Variants in BEND7 observed in about 807,000 individuals in gnomAD.
BEND7 encodes BEN domain containing 7, also known as BEN domain-containing protein 7.
Under a neutral mutation model 50.9 loss-of-function variants are expected in BEND7, and 28 were observed. The ratio of observed to expected loss-of-function variants is 0.55; its 90% CI spans 0.41 to 0.75. BEND7 has a LOEUF of 0.75. Ranked by LOEUF, BEND7 falls within the 30% of genes least tolerant of loss-of-function variation. BEND7 has a pLI of 0.00. For synonymous variants in BEND7, 170 were observed against 183.9 expected (o/e 0.92, Z 0.61); for missense variants, 477 against 491.3 (o/e 0.97, Z 0.28).
At chr10:13,487,775 A>G (rs1224709169) in intron 5 of BEND7, among the ~76,000 whole-genome samples, 1 of 151,944 alleles carries the variant, frequency 6.6e-6, no homozygotes, top group Non-Finnish European at 1.5e-5. Context: ...CACTTTATCT[A>G]TTGGGCTAAG....
downstream of BEND7, among the ~76,000 whole-genome samples, chr10:13,439,781 C>T (rs1470111706): frequency 6.6e-6 from 1 of 152,210 alleles, no homozygotes; most frequent in Non-Finnish European, 1.5e-5. Flanking sequence ...CTGCTTCAGC[C>T]AGGCGGATCG....
chr10:13,456,307 G>A (rs934859717), intron 6 of BEND7, among the ~76,000 whole-genome samples: 1 of 152,188 alleles, frequency 6.6e-6, no homozygotes, highest in African/African-American at 2.4e-5. Flanking sequence ...GAGCAACCGC[G>A]TGTGAGGATG....
chr10:13,500,734 A>G, intron 2 of BEND7: 1 of 985,592 alleles, frequency 1.0e-6, no homozygotes, highest in Non-Finnish European at 1.2e-6. Context: ...CAGCATGGCA[A>G]GCGAGGGGGT....
At chr10:13,460,858 T>C (rs1158856718) in intron 6 of BEND7, among the ~76,000 whole-genome samples, 1 of 152,180 alleles carries the variant, frequency 6.6e-6, no homozygotes, top group Non-Finnish European at 1.5e-5. Context: ...AAAAATAAAA[T>C]GCATTAATTC....
In BEND7 at chr10:13,529,003, G is replaced by A. The variant is rs1385017016; in HGVS notation, c.-470C>T. 3 of 145,790 alleles carry A rather than the reference G, an allele frequency of 2.1e-5. No homozygotes were observed. The highest frequency in any genetic ancestry group is 7.4e-5 in the African/African-American group (3 of 40,470). The allele number at this position is 145,790 out of a possible 1,614,324, so 9.0% of individuals were successfully genotyped here. A position where few individuals can be genotyped will look rare whatever the true frequency, so the allele number is the denominator to read the frequency against. On this transcript the variant is annotated 5_prime_UTR_variant, in exon 1 of 9. Coordinates refer to ENST00000466271, the MANE Select transcript of BEND7 (RefSeq NM_001369863.1). ...GAAGACGCGGCGGGCGGGCTGCGGGGAGGGCGGCGGCGGGTGCAGAGCCGG... is the reference window on the plus strand; with the variant it reads ...GAAGACGCGGCGGGCGGGCTGCGGGAAGGGCGGCGGCGGGTGCAGAGCCGG...
rs145969876 is a variant in BEND7 at position 13,497,134 on chromosome 10, C to T, written c.449-246G>A. Among the ~76,000 whole-genome samples, 1,199 of 152,316 alleles carry T rather than the reference C, an allele frequency of 7.9e-3. 14 individuals are homozygous for T. The highest frequency in any genetic ancestry group is 0.015 in the Admixed American group (230 of 15,304). On this transcript the variant is annotated intron_variant, in intron 3 of 8. Coordinates refer to ENST00000466271, the MANE Select transcript of BEND7 (RefSeq NM_001369863.1). ...CGTGCTGTGGCGCGGTGCGGGAGCC[C>T]GCATGCACACACACACACAATGAGT...
intron 2 of BEND7, among the ~76,000 whole-genome samples, chr10:13,512,520 T>C (rs924346294): frequency 2.6e-5 from 4 of 152,220 alleles, no homozygotes; most frequent in Admixed American, 2.6e-4. Context: ...CACAATTTAC[T>C]ATTTGCAAAG....
chr10:13,451,735 T>C (rs2131025588), intron 7 of BEND7, among the ~76,000 whole-genome samples: 1 of 149,084 alleles, frequency 6.7e-6, no homozygotes, highest in Non-Finnish European at 1.5e-5. Context: ...ACATTAGTTA[T>C]ATCCCCTAAT....
chr10:13,440,123 C>G (rs1453664515), downstream of BEND7, among the ~76,000 whole-genome samples: 1 of 152,144 alleles, frequency 6.6e-6, no homozygotes, highest in Non-Finnish European at 1.5e-5. Context: ...CAAGCGTCTT[C>G]CAGGGGAGCC....
chr10:13,484,295 A>T (rs2076073118), intron 5 of BEND7, among the ~76,000 whole-genome samples: 1 of 152,248 alleles, frequency 6.6e-6, no homozygotes, highest in South Asian at 2.1e-4. Context: ...AAAGAACAAA[A>T]GAGGGCAGCT....
rs375441775 is a variant in BEND7 at position 13,469,319 on chromosome 10, C to G, written c.1063+11580G>C. On this transcript the variant is annotated intron_variant, in intron 6 of 8. Coordinates refer to ENST00000466271, the MANE Select transcript of BEND7 (RefSeq NM_001369863.1). ...CAGCAGAAGACTTGACTGCAGGGAGCAGTCAGTGGGAAGACCTGATTAATT... is the reference window on the plus strand; with the variant it reads ...CAGCAGAAGACTTGACTGCAGGGAGGAGTCAGTGGGAAGACCTGATTAATT... Among the ~76,000 whole-genome samples, 3 of 151,722 alleles carry G rather than the reference C, an allele frequency of 2.0e-5. No homozygotes were observed. The South Asian group carries it at 6.3e-4, about 32-fold the overall frequency.
chr10:13,482,221 A>G (rs1456484959), intron 5 of BEND7, among the ~76,000 whole-genome samples: 1 of 152,238 alleles, frequency 6.6e-6, no homozygotes, highest in Non-Finnish European at 1.5e-5. Flanking sequence ...AATAGACGAA[A>G]GTTCATTAGT....
chr10:13,472,182 G>T (rs1163205773), intron 6 of BEND7, among the ~76,000 whole-genome samples: 1 of 152,028 alleles, frequency 6.6e-6, no homozygotes, highest in Non-Finnish European at 1.5e-5. Flanking sequence ...GTTACACTCA[G>T]GGCCGATACC....
intron 5 of BEND7, among the ~76,000 whole-genome samples, chr10:13,487,388 CTTTTT>C (rs930230162): frequency 2.4e-5 from 3 of 122,844 alleles, no homozygotes; most frequent in Admixed American, 7.8e-5. Flanking sequence ...CTTTTCTTTT[CTTTTT>C]TTTTTTTTTT....
intron 5 of BEND7, among the ~76,000 whole-genome samples, chr10:13,487,511 T>C (rs778890796): frequency 1.2e-3 from 189 of 151,652 alleles, no homozygotes; most frequent in South Asian, 2.1e-3. Flanking sequence ...CTCAGCCTCC[T>C]GAGTAGCTGG....
chr10:13,481,320 C>T (rs1254397984), intron 5 of BEND7, among the ~76,000 whole-genome samples, 196 bp from the exon 6 acceptor site: 2 of 152,140 alleles, frequency 1.3e-5, no homozygotes, highest in Non-Finnish European at 2.9e-5. Flanking sequence ...AAACAAGATG[C>T]TCTAATTCCA....
At chr10:13,490,237 G>A (rs908198670) in intron 5 of BEND7, among the ~76,000 whole-genome samples, 5 of 152,324 alleles carry the variant, frequency 3.3e-5, no homozygotes, top group Middle Eastern at 6.8e-3. Flanking sequence ...TTACAAAAGC[G>A]ATAAAGCATG....
At chr10:13,514,676 C>A (rs1300895575) in intron 2 of BEND7, among the ~76,000 whole-genome samples, 1 of 152,192 alleles carries the variant, frequency 6.6e-6, no homozygotes, top group Non-Finnish European at 1.5e-5. Context: ...GAACACTGAA[C>A]TTGTAGAGAA....
chr10:13,472,083 G>T (rs1441657155), intron 6 of BEND7, among the ~76,000 whole-genome samples: 1 of 152,106 alleles, frequency 6.6e-6, no homozygotes, highest in Non-Finnish European at 1.5e-5. Context: ...ATCACTGTTA[G>T]ACTCGGGGTC....
Sources: allele counts gnomAD v4.1 joint callset (sites outside exome capture counted in the v4.1 genomes callset), GRCh38; gene constraint gnomAD v4.1.1; transcripts MANE v1.5; gene names NCBI Gene and HGNC (gene_info 2026-07-23, HGNC 2026-07-21).